VSTM1: variants seen among roughly 807,000 people sequenced by gnomAD.
The protein encoded by VSTM1 is V-set and transmembrane domain-containing protein 1.
In VSTM1, 27 loss-of-function variants were observed where a neutral mutation model predicts 33.1. The observed-to-expected ratio is 0.82, with a 90% CI of 0.60 to 1.12. The LOEUF is 1.12. Among genes scored for constraint, VSTM1 ranks in the 50% most tolerant of loss-of-function variants. The pLI, the probability that VSTM1 is intolerant of heterozygous loss-of-function variation, is 0.00. For synonymous variants in VSTM1, 115 were observed against 110.3 expected, an observed-to-expected ratio of 1.04 and a Z score of -0.27; for missense variants, 304 against 288.9, an observed-to-expected ratio of 1.05 and a Z score of -0.38.
At chr19:54,060,460 G>T (rs1215764276) in intron 1 of VSTM1, among the ~76,000 whole-genome samples, 1 of 152,066 alleles carries the variant, frequency 6.6e-6, no homozygotes, top group African/African-American at 2.4e-5. Context: ...GATACAGAAC[G>T]TGACCCCCCA....
chr19:54,048,138 C>T (rs1335647732), intron 4 of VSTM1, among the ~76,000 whole-genome samples: 1 of 150,700 alleles, frequency 6.6e-6, no homozygotes, highest in Non-Finnish European at 1.5e-5. Context: ...TTTACTGAAA[C>T]AGGGTCTCGC....
At chr19:54,046,607 CT>C (rs1220776901) in intron 4 of VSTM1, among the ~76,000 whole-genome samples, 1 of 151,994 alleles carries the variant, frequency 6.6e-6, no homozygotes, top group African/African-American at 2.4e-5. Context: ...CCCCAGATCC[CT>C]TTCCCATTTT....
intron 4 of VSTM1, among the ~76,000 whole-genome samples, 169 bp from the exon 5 acceptor site, chr19:54,042,538 C>T (rs572663904): frequency 1.3e-5 from 2 of 151,822 alleles, no homozygotes; most frequent in African/African-American, 4.8e-5. Flanking sequence ...TTAATCTTCT[C>T]CAAGCTTCTG....
At chr19:54,057,018 G>A (rs1248169874) in intron 3 of VSTM1, among the ~76,000 whole-genome samples, 1 of 139,986 alleles carries the variant, frequency 7.1e-6, no homozygotes, top group Non-Finnish European at 1.6e-5. Context: ...ACCACGCCCA[G>A]CTAATTTTTG....
intron 4 of VSTM1, 63 bp downstream of exon 4, chr19:54,051,347 T>C: frequency 7.3e-7 from 1 of 1,379,054 alleles, no homozygotes; most frequent in Non-Finnish European, 1.0e-6. Flanking sequence ...TTGTGCACTT[T>C]AAGCAAAGGT....
intron 8 of VSTM1, among the ~76,000 whole-genome samples, chr19:54,041,424 C>T (rs112272392): frequency 6.6e-6 from 1 of 152,040 alleles, no homozygotes; most frequent in African/African-American, 2.4e-5. Context: ...GGCTCAGCCT[C>T]CTGAGTAGCT....
Position 54,050,726 on chromosome 19 carries a change from TC to T in VSTM1, c.394+683del, listed in dbSNP as rs202003429. On this transcript the variant is annotated intron_variant, in intron 4 of 8. Coordinates refer to ENST00000338372, the MANE Select transcript of VSTM1 (RefSeq NM_198481.4). The stretch of plus-strand genomic sequence containing the variant: ...CGGGTGCGGTGGCTCATGCCTGTAA[TC>T]CCAACACTTTGAGAGGCCGAGGCGG... 4.3e-3 allele frequency among the ~76,000 whole-genome samples: 659 copies of T among 152,158 alleles called. 4 individuals carry two copies. The highest frequency in any genetic ancestry group is 0.015 in the African/African-American group (610 of 41,514).
At chr19:54,051,311 A>AAACC (rs1415282505) in intron 4 of VSTM1, 99 bp downstream of exon 4, 1 of 1,112,030 alleles carries the variant, frequency 9.0e-7, no homozygotes, top group African/African-American at 1.6e-5. Flanking sequence ...ACAAACAAAC[A>AAACC]AACAAACAAA....
intron 4 of VSTM1, among the ~76,000 whole-genome samples, chr19:54,043,222 T>G (rs2070408169): frequency 1.3e-5 from 2 of 151,974 alleles, no homozygotes; most frequent in African/African-American, 4.8e-5. Flanking sequence ...TTTAAGACTT[T>G]AAGAGAAAAG....
intron 4 of VSTM1, among the ~76,000 whole-genome samples, chr19:54,047,234 T>G (rs557638240): frequency 1.9e-4 from 29 of 152,040 alleles, no homozygotes; most frequent in Non-Finnish European, 3.4e-4. Context: ...AACGTCACTT[T>G]CACACTAATG....
chr19:54,060,874 A>G (rs1348963889), intron 1 of VSTM1, among the ~76,000 whole-genome samples: 2 of 151,906 alleles, frequency 1.3e-5, no homozygotes, highest in Non-Finnish European at 2.9e-5. Flanking sequence ...ATTTTTTTGT[A>G]GAGATGAGGA....
chr19:54,042,412 A>C, intron 4 of VSTM1, 43 bp from the exon 5 acceptor site: 1 of 1,597,876 alleles, frequency 6.3e-7, no homozygotes, highest in Non-Finnish European at 8.5e-7. Flanking sequence ...CTGGCTCCTG[A>C]AATCCACTGA....
At chr19:54,054,502 G>A (rs181754652) in intron 3 of VSTM1, among the ~76,000 whole-genome samples, 3 of 142,660 alleles carry the variant, frequency 2.1e-5, no homozygotes, top group East Asian at 2.0e-4. Context: ...GTGGACCCAC[G>A]GCTACTTCTA....
intron 1 of VSTM1, among the ~76,000 whole-genome samples, chr19:54,060,206 C>T (rs899504250): frequency 3.9e-5 from 6 of 152,146 alleles, no homozygotes; most frequent in Admixed American, 6.6e-5. Flanking sequence ...CCCCCTTCCC[C>T]GTGTCTTCTG....
At chr19:54,042,841 T>TATATATATATATATATATATATAC (rs2070388941) in intron 4 of VSTM1, among the ~76,000 whole-genome samples, 5 of 96,376 alleles carry the variant, frequency 5.2e-5, no homozygotes, top group Non-Finnish European at 8.8e-5. Flanking sequence ...TATATATACA[T>TATATATATATATATATATATATAC]ATATATATAT....
At chr19:54,060,498 G>A (rs1449616701) in intron 1 of VSTM1, among the ~76,000 whole-genome samples, 2 of 152,152 alleles carry the variant, frequency 1.3e-5, no homozygotes, top group African/African-American at 4.8e-5. Context: ...GGAATGAGGT[G>A]GAGGCCTCAC....
intron 4 of VSTM1, among the ~76,000 whole-genome samples, chr19:54,048,955 G>A (rs1191994949): frequency 6.6e-6 from 1 of 152,096 alleles, no homozygotes. Context: ...ATGGTGACGG[G>A]CGCCTGTAGG....
chr19:54,047,798 C>T (rs1336287809), intron 4 of VSTM1, among the ~76,000 whole-genome samples: 1 of 152,188 alleles, frequency 6.6e-6, no homozygotes, highest in African/African-American at 2.4e-5. Context: ...TTCTCATCTT[C>T]ATATGACCCC....
chr19:54,048,881 C>T (rs573694130), intron 4 of VSTM1, among the ~76,000 whole-genome samples: 1 of 152,018 alleles, frequency 6.6e-6, no homozygotes, highest in South Asian at 2.1e-4. Flanking sequence ...GTCAGGAGTT[C>T]GAGACCAGCC....
Sources: allele counts gnomAD v4.1 joint callset (sites outside exome capture counted in the v4.1 genomes callset), GRCh38; gene constraint gnomAD v4.1.1; transcripts MANE v1.5; gene names NCBI Gene and HGNC (gene_info 2026-07-23, HGNC 2026-07-21).